Variants in SGTA observed in about 807,000 individuals in gnomAD.
The protein encoded by SGTA is small glutamine-rich tetratricopeptide repeat-containing protein alpha.
Under a neutral mutation model 44.3 loss-of-function variants are expected in SGTA, and 22 were observed. The ratio of observed to expected loss-of-function variants is 0.50; its 90% CI spans 0.36 to 0.71. SGTA has a LOEUF of 0.71. Among genes scored for constraint, SGTA ranks in the 30% least tolerant of loss-of-function variants. SGTA has a pLI of 0.00. For missense variants in SGTA, 341 were observed against 435.9 expected, an observed-to-expected ratio of 0.78 and a Z score of 1.94; for synonymous variants, 174 against 177.6, an observed-to-expected ratio of 0.98 and a Z score of 0.16.
intron 1 of SGTA, among the ~76,000 whole-genome samples, chr19:2,772,117 G>A (rs566200846): frequency 6.6e-6 from 1 of 152,256 alleles, no homozygotes; most frequent in South Asian, 2.1e-4. Context: ...GTGCCAAGAC[G>A]CATGAGGCAA....
chr19:2,763,588 A>C lies in SGTA; in HGVS notation c.497+65T>G. ...TGGGAAAAAAGCCACACAAGAGAGG[A>C]AGCAGGAGCAGGAGAGGAGGGGTCC... On this transcript the variant is annotated intron_variant, in intron 6 of 11. Transcript: ENST00000221566. The surrounding 1 kb of genome is among the most constrained non-coding windows in gnomAD (Gnocchi z 5.8). 9 of 1,106,878 alleles carry C rather than the reference A, an allele frequency of 8.1e-6. No homozygotes were observed. The highest frequency in any genetic ancestry group is 1.2e-5 in the Non-Finnish European group (9 of 756,276). 68.6% of individuals were successfully genotyped at this position (1,106,878 alleles called of 1,614,324 possible).
chr19:2,761,275 C>T lies in SGTA; in HGVS notation c.699+185G>A, dbSNP rs1731368423. 6.6e-6 allele frequency among the ~76,000 whole-genome samples: 1 copy of T among 152,026 alleles called. No homozygotes were observed. The highest frequency in any genetic ancestry group is 2.4e-5 in the African/African-American group (1 of 41,388). ...GGGTGGGGGTGCTCCTGACATGGGG[C>T]GGGTGAGGCCAGGGGTGCTGCCAGC... On this transcript the variant is annotated intron_variant, in intron 8 of 11. Transcript: ENST00000221566. The surrounding 1 kb of genome is among the most constrained non-coding windows in gnomAD (Gnocchi z 5.7).
intron 1 of SGTA, among the ~76,000 whole-genome samples, chr19:2,774,856 G>A (rs928640174): frequency 6.6e-6 from 1 of 152,120 alleles, no homozygotes; most frequent in African/African-American, 2.4e-5. Flanking sequence ...CTGTGTGCGC[G>A]CGCATGTGTG....
intron 4 of SGTA, among the ~76,000 whole-genome samples, chr19:2,766,587 T>G (rs1187733367): frequency 1.3e-5 from 2 of 151,984 alleles, no homozygotes; most frequent in African/African-American, 4.8e-5. Context: ...TGCCCACCAC[T>G]GCACCTGGCT....
At chr19:2,776,831 C>T (rs780483483) in intron 1 of SGTA, among the ~76,000 whole-genome samples, 11 of 152,040 alleles carry the variant, frequency 7.2e-5, no homozygotes, top group Admixed American at 2.0e-4. Flanking sequence ...ATCATGGTGG[C>T]GCACACCTGT....
At chr19:2,764,728 G>A (rs1233086075) in intron 5 of SGTA, among the ~76,000 whole-genome samples, 5 of 152,040 alleles carry the variant, frequency 3.3e-5, no homozygotes, top group African/African-American at 4.8e-5. Context: ...CACTACACCC[G>A]GCTAATTTTG....
chr19:2,766,683 G>A (rs12232847), intron 4 of SGTA, among the ~76,000 whole-genome samples: 7,239 of 152,108 alleles, frequency 0.048, 323 homozygotes, highest in South Asian at 0.14. Flanking sequence ...CAATCTGCCC[G>A]CCTCGGCCTC....
intron 9 of SGTA, among the ~76,000 whole-genome samples, chr19:2,758,051 C>T (rs939059123): frequency 1.3e-5 from 2 of 152,206 alleles, no homozygotes; most frequent in African/African-American, 4.8e-5. Context: ...CCTGCAATGG[C>T]AGCGGACATT....
chr19:2,765,313 C>G lies in SGTA; in HGVS notation c.293-28G>C. ...ACAGGGAGAGAGGAAAACACCGGCC[C>G]GGTGTCCACACAGACCGGAGGGGGT... On this transcript the variant is annotated intron_variant, in intron 4 of 11. Coordinates refer to ENST00000221566, the MANE Select transcript of SGTA (RefSeq NM_003021.4). This position sits in a 1 kb window ranked among gnomAD's most constrained non-coding sequence, Gnocchi z 5.5. 6.5e-7 allele frequency: 1 copy of G among 1,549,324 alleles called. No homozygotes were observed. Among genetic ancestry groups the G allele is most frequent in the Non-Finnish European group, 8.9e-7 (1 of 1,123,488 alleles).
Position 2,767,523 on chromosome 19 carries a change from G to T in SGTA, c.207+57C>A. The T allele has an allele frequency of 7.0e-7, 1 of 1,423,202 alleles. No homozygotes were observed. The highest frequency in any genetic ancestry group is 9.9e-7 in the Non-Finnish European group (1 of 1,010,634). 88.2% of individuals were successfully genotyped at this position (1,423,202 alleles called of 1,614,324 possible). A position where few individuals can be genotyped will look rare whatever the true frequency, so the allele number is the denominator to read the frequency against. The stretch of plus-strand genomic sequence containing the variant: ...CGGGGCTCCTGGGGTCCCCAGGGCT[G>T]CCTGCTGTTGCTGTTCTTATTTTGG... On this transcript the variant is annotated intron_variant, in intron 3 of 11. Transcript: ENST00000221566. The surrounding 1 kb of genome is among the most constrained non-coding windows in gnomAD (Gnocchi z 7.3).
intron 1 of SGTA, among the ~76,000 whole-genome samples, chr19:2,779,028 G>T (rs573577687): frequency 1.2e-4 from 19 of 152,264 alleles, no homozygotes; most frequent in Middle Eastern, 6.8e-3. Context: ...GCAGGGGGCT[G>T]AGCAGCACCC....
rs890548332 is a variant in SGTA at position 2,781,709 on chromosome 19, T to A, written c.-24+1524A>T. 1.3e-4 allele frequency among the ~76,000 whole-genome samples: 20 copies of A among 152,158 alleles called. No homozygotes were observed. In the East Asian group the frequency reaches 1.7e-3, roughly 13 times the overall value. ...AGTTCTGAACCCAGGCAGTCTGACT[T>A]GAGAAGCTAAACTCCAAAGTACCCA... On this transcript the variant is annotated intron_variant, in intron 1 of 11. Coordinates refer to ENST00000221566, the MANE Select transcript of SGTA (RefSeq NM_003021.4).
intron 9 of SGTA, 135 bp downstream of exon 9, chr19:2,759,122 G>T: frequency 1.4e-6 from 1 of 740,654 alleles, no homozygotes; most frequent in Non-Finnish European, 2.3e-6. Flanking sequence ...GGTGACAGTT[G>T]CATGACAGTG....
At chr19:2,759,528 C>T (rs370883285) in intron 8 of SGTA, 15 of 545,744 alleles carry the variant, frequency 2.7e-5, no homozygotes, top group African/African-American at 1.7e-4. Context: ...GCTTCAGGAG[C>T]GATCTCGCAG....
In SGTA at chr19:2,763,615, G is replaced by C; in HGVS notation, c.497+38C>G. ...GCAGGAGCAGGAGAGGAGGGGTCCC[G>C]AGAGACTGGAAAGGCGCGGCCGTGG... On this transcript the variant is annotated intron_variant, in intron 6 of 11. Coordinates refer to ENST00000221566, the MANE Select transcript of SGTA (RefSeq NM_003021.4). The surrounding 1 kb of genome is among the most constrained non-coding windows in gnomAD (Gnocchi z 5.8). 1 of 1,452,364 alleles carries C rather than the reference G, an allele frequency of 6.9e-7. No homozygotes were observed. The highest frequency in any genetic ancestry group is 9.6e-7 in the Non-Finnish European group (1 of 1,044,698). The allele number at this position is 1,452,364 out of a possible 1,614,324, so 90.0% of individuals were successfully genotyped here.
chr19:2,775,146 T>C (rs2110118), intron 1 of SGTA, among the ~76,000 whole-genome samples: 53,561 of 152,124 alleles, frequency 0.35, 11,231 homozygotes, highest in East Asian at 0.66. Flanking sequence ...CTCGGCGCAG[T>C]GACCTATGCG....
chr19:2,774,923 T>C (rs1915410128), intron 1 of SGTA, among the ~76,000 whole-genome samples: 1 of 152,180 alleles, frequency 6.6e-6, no homozygotes, highest in African/African-American at 2.4e-5. Flanking sequence ...CGGTTCTCGA[T>C]GGATGTGCTG....
At chr19:2,762,780 A>C (rs896167885) in intron 6 of SGTA, 136 bp from the exon 7 acceptor site, 3 of 1,004,586 alleles carry the variant, frequency 3.0e-6, no homozygotes, top group African/African-American at 3.2e-5. Flanking sequence ...CTGTCAGCTC[A>C]GTGGAGACAA....
chr19:2,775,435 G>T (rs574985866), intron 1 of SGTA, among the ~76,000 whole-genome samples: 2 of 152,222 alleles, frequency 1.3e-5, no homozygotes, highest in African/African-American at 4.8e-5. Flanking sequence ...AGATGACACC[G>T]GCGACGTGGA....
Sources: gnomAD v4.1 joint callset for allele counts (sites outside exome capture counted in the v4.1 genomes callset) on GRCh38, gnomAD v4.1.1 for gene constraint, Gnocchi (gnomAD v3.1) non-coding constraint, MANE v1.5 for transcripts, NCBI Gene and HGNC (gene_info 2026-07-23, HGNC 2026-07-21) for gene names.